NCOR1: variants seen among roughly 807,000 people sequenced by gnomAD.
NCOR1 encodes the protein protein phosphatase 1, regulatory subunit 109.
A neutral mutation model predicts 288.1 loss-of-function variants in NCOR1; 63 were observed. The ratio of observed to expected loss-of-function variants is 0.22; its 90% CI spans 0.18 to 0.27. NCOR1 has a LOEUF of 0.27. Among genes scored for constraint, NCOR1 ranks in the 10% least tolerant of loss-of-function variants. The probability of loss-of-function intolerance (pLI) is 1.00; values close to 1 mark genes in which losing one functional copy is unlikely to be tolerated. For synonymous variants in NCOR1, 1,007 were observed against 1,065.9 expected (o/e 0.94, Z 1.08); for missense variants, 2,397 against 3,019.2 (o/e 0.79, Z 4.83).
intron 14 of NCOR1, among the ~76,000 whole-genome samples, chr17:16,131,816 AC>A (rs2075686238): frequency 6.6e-6 from 1 of 152,216 alleles, no homozygotes; most frequent in African/African-American, 2.4e-5. Context: ...AACAGTGGCT[AC>A]CATTTATTGG....
At position 16,034,826 on chromosome 17, in the gene NCOR1, T is replaced by C. The variant is rs141896864; in HGVS notation, c.7074A>G (p.Ser2358=). The change falls in exon 45 of 46, where the codon TCA becomes TCG. Residue 2358 remains serine (S), a synonymous_variant. Coordinates refer to ENST00000268712, the MANE Select transcript of NCOR1 (RefSeq NM_006311.4). ...ERPSSVSSVH[S]EGDYHRQTPG... ...GCGTCTGCCTATGGTAATCCCCTTC[T>C]GAATGTACAGAGGAGACTGAAGAGG... 266 of 1,614,118 alleles carry C rather than the reference T, an allele frequency of 1.6e-4. 1 individual carries two copies. In the Admixed American group the frequency reaches 2.2e-3, roughly 13 times the overall value.
intron 12 of NCOR1, 33 bp downstream of exon 12, chr17:16,138,975 G>A (rs779648045): frequency 7.1e-7 from 1 of 1,410,362 alleles, no homozygotes; most frequent in East Asian, 2.5e-5. Flanking sequence ...TTATGTAGAT[G>A]TCTATTAGAG....
At chr17:16,156,877 A>T (rs1005160897) in intron 6 of NCOR1, among the ~76,000 whole-genome samples, 8 of 152,220 alleles carry the variant, frequency 5.3e-5, no homozygotes, top group African/African-American at 1.9e-4. Context: ...AGGCAACCAC[A>T]GAATTCACTA....
intron 20 of NCOR1, 29 bp downstream of exon 20, chr17:16,101,221 A>G: frequency 6.5e-7 from 1 of 1,543,224 alleles, no homozygotes; most frequent in Non-Finnish European, 8.7e-7. Context: ...CAGAGTAAGC[A>G]CGGGGAGGAC....
intron 8 of NCOR1, among the ~76,000 whole-genome samples, chr17:16,150,383 A>C (rs1188222455): frequency 6.6e-6 from 1 of 152,180 alleles, no homozygotes; most frequent in East Asian, 1.9e-4. Flanking sequence ...TGATGAAAGA[A>C]TAGCTACTGA....
chr17:16,040,169 A>T (rs1009884897), intron 43 of NCOR1: 4 of 567,274 alleles, frequency 7.1e-6, no homozygotes, highest in Non-Finnish European at 1.3e-5. Flanking sequence ...CTTCTATTAA[A>T]GTTACTCAAC....
chr17:16,149,429 G>C (rs1375903607), intron 9 of NCOR1, 22 bp downstream of exon 9: 1 of 1,431,190 alleles, frequency 7.0e-7, no homozygotes, highest in Non-Finnish European at 9.6e-7. Flanking sequence ...ATAAATTTCA[G>C]TTAACAAGGA....
chr17:16,120,976 T>G (rs894647588), intron 16 of NCOR1, 76 bp downstream of exon 16: 5 of 1,338,400 alleles, frequency 3.7e-6, no homozygotes, highest in Non-Finnish European at 5.2e-6. Context: ...TTAAAAGTCC[T>G]TTCTACCCTA....
intron 11 of NCOR1, among the ~76,000 whole-genome samples, chr17:16,140,415 G>C (rs1354375020): frequency 6.6e-6 from 1 of 152,160 alleles, no homozygotes; most frequent in African/African-American, 2.4e-5. Context: ...TGTAATCCCA[G>C]CACTTTTGGA....
chr17:16,123,338 T>C (rs1030550254), intron 15 of NCOR1, among the ~76,000 whole-genome samples: 2 of 152,114 alleles, frequency 1.3e-5, no homozygotes, highest in African/African-American at 4.8e-5. Flanking sequence ...CTCACTAATT[T>C]TACCATCTCT....
At chr17:16,159,860 A>T (rs1440251895) in intron 5 of NCOR1, among the ~76,000 whole-genome samples, 8 of 145,790 alleles carry the variant, frequency 5.5e-5, no homozygotes, top group Non-Finnish European at 6.0e-5. Context: ...TTTTTTTGAG[A>T]TGGAGTCTTG....
chr17:16,044,354 C>T, intron 42 of NCOR1: 1 of 469,960 alleles, frequency 2.1e-6, no homozygotes, highest in South Asian at 1.6e-5. Flanking sequence ...TGGTGTTCAA[C>T]ATTTATTAAT....
rs781525832 is a variant in NCOR1, at chr17:16,061,738, C to T, written c.5544G>A (p.Arg1848=). The change falls in exon 37 of 46, where the codon AGG becomes AGA. Residue 1848 remains arginine (R), a synonymous_variant. Coordinates refer to ENST00000268712, the MANE Select transcript of NCOR1 (RefSeq NM_006311.4). ...ACCTGCTTCTCAAATTTTCTTCTAA[C>T]CTGGCAGCTTCATGCTTACTCTCTT... The part of the protein sequence containing the change: ...KTKESKHEAA[R]LEENLRSRSA... 22 of 1,614,232 alleles carry T rather than the reference C, an allele frequency of 1.4e-5. No individual in the cohort carries two copies. The highest frequency in any genetic ancestry group is 1.8e-5 in the Non-Finnish European group (21 of 1,180,048).
At chr17:16,127,879 T>C (rs1203248495) in intron 14 of NCOR1, among the ~76,000 whole-genome samples, 1 of 151,726 alleles carries the variant, frequency 6.6e-6, no homozygotes, top group Non-Finnish European at 1.5e-5. Flanking sequence ...AGAGACAACA[T>C]CTCACTCTGT....
At chr17:16,172,269 T>C (rs945464964) in intron 3 of NCOR1, among the ~76,000 whole-genome samples, 9 of 151,958 alleles carry the variant, frequency 5.9e-5, no homozygotes, top group African/African-American at 1.9e-4. Flanking sequence ...GGCAGGAGAA[T>C]TGCTTGAACC....
chr17:16,137,605 C>T (rs1197182546), intron 13 of NCOR1, among the ~76,000 whole-genome samples, 193 bp from the exon 14 acceptor site: 2 of 152,032 alleles, frequency 1.3e-5, no homozygotes, highest in Non-Finnish European at 2.9e-5. Context: ...TTTTAATAGA[C>T]AGTTACAGTT....
chr17:16,126,882 GC>G (rs779537165), intron 14 of NCOR1, among the ~76,000 whole-genome samples: 8 of 152,112 alleles, frequency 5.3e-5, no homozygotes, highest in Non-Finnish European at 1.0e-4. Context: ...TACTACAGTA[GC>G]CCCCACCATA....
chr17:16,076,962 A>C (rs1007505316), intron 26 of NCOR1, among the ~76,000 whole-genome samples: 4 of 152,260 alleles, frequency 2.6e-5, no homozygotes, highest in African/African-American at 7.2e-5. Flanking sequence ...CACCTGTGTC[A>C]CACAACCAAT....
chr17:16,075,472 C>T, intron 27 of NCOR1, 62 bp downstream of exon 27: 2 of 1,553,022 alleles, frequency 1.3e-6, no homozygotes, highest in Non-Finnish European at 1.8e-6. Context: ...GCGGGAAAAC[C>T]CAAGCCTATG....
Sources: allele counts gnomAD v4.1 joint callset (sites outside exome capture counted in the v4.1 genomes callset), GRCh38; gene constraint gnomAD v4.1.1; transcripts MANE v1.5; gene names NCBI Gene and HGNC (gene_info 2026-07-23, HGNC 2026-07-21).